DPP10: variants seen among roughly 807,000 people sequenced by gnomAD.
DPP10 encodes dipeptidyl peptidase like 10, also known as inactive dipeptidyl peptidase 10.
Under a neutral mutation model 120.9 loss-of-function variants are expected in DPP10, and 33 were observed. The observed-to-expected ratio is 0.27, with a 90% CI of 0.21 to 0.37. The LOEUF (loss-of-function observed/expected upper bound fraction) is 0.37, where lower values mean the gene tolerates loss of function less well. Among genes scored for constraint, DPP10 ranks in the 10% least tolerant of loss-of-function variants. The pLI is 1.00. For missense variants in DPP10, 816 were observed against 942.8 expected (o/e 0.87, Z 1.76); for synonymous variants, 337 against 326.1 (o/e 1.03, Z -0.36).
chr2:114,872,353 A>G (rs910028175), intron 1 of DPP10, among the ~76,000 whole-genome samples: 12 of 152,154 alleles, frequency 7.9e-5, no homozygotes, highest in Admixed American at 7.9e-4. Context: ...CAAGAACAGC[A>G]TAGGGGAACA....
chr2:115,677,824 G>C (rs572867196), intron 5 of DPP10, among the ~76,000 whole-genome samples: 7 of 152,196 alleles, frequency 4.6e-5, no homozygotes, highest in African/African-American at 1.7e-4. Flanking sequence ...GTAAAAGCTG[G>C]GGACTTTAAC....
intron 1 of DPP10, among the ~76,000 whole-genome samples, chr2:114,618,374 C>T (rs529530165): frequency 6.6e-6 from 1 of 152,078 alleles, no homozygotes; most frequent in Admixed American, 6.6e-5. Context: ...GTACACAGGT[C>T]TCTCTCTCAA....
chr2:114,718,490 T>C (rs957794700), intron 1 of DPP10, among the ~76,000 whole-genome samples: 1 of 151,988 alleles, frequency 6.6e-6, no homozygotes, highest in Non-Finnish European at 1.5e-5. Flanking sequence ...TAGAGGCTAT[T>C]GTATTGGATA....
chr2:115,156,671 C>A (rs2051934908), intron 1 of DPP10, among the ~76,000 whole-genome samples: 1 of 152,104 alleles, frequency 6.6e-6, no homozygotes, highest in Admixed American at 6.5e-5. Flanking sequence ...TCGTACTTTT[C>A]AAGGAATAAA....
intron 4 of DPP10, among the ~76,000 whole-genome samples, chr2:115,510,948 A>G (rs972792280): frequency 1.3e-5 from 2 of 152,068 alleles, no homozygotes; most frequent in African/African-American, 4.8e-5. Flanking sequence ...GTTTGCAGCT[A>G]GTGTATAGAA....
At chr2:115,066,045 C>T (rs13029654) in intron 1 of DPP10, among the ~76,000 whole-genome samples, 37,538 of 152,080 alleles carry the variant, frequency 0.25, 5,387 homozygotes, top group East Asian at 0.31. Context: ...AAACTATTTG[C>T]ATCTACCATT....
chr2:114,613,439 G>T (rs1477775804), intron 1 of DPP10, among the ~76,000 whole-genome samples: 1 of 152,126 alleles, frequency 6.6e-6, no homozygotes, highest in East Asian at 1.9e-4. Context: ...CAATTAGAAT[G>T]GCAATTATTA....
chr2:114,891,709 C>T (rs1399916326), intron 1 of DPP10, among the ~76,000 whole-genome samples: 1 of 152,126 alleles, frequency 6.6e-6, no homozygotes, highest in African/African-American at 2.4e-5. Flanking sequence ...TCATGTGACC[C>T]ATCTGAAGAG....
chr2:115,526,267 A>G, intron 5 of DPP10: 1 of 288,522 alleles, frequency 3.5e-6, no homozygotes, highest in Non-Finnish European at 6.5e-6. Flanking sequence ...CGGGCTTGTG[A>G]AAGTTTCAAG....
In DPP10 at chr2:115,379,203, G is replaced by A. The variant is rs190532022; in HGVS notation, c.271+35291G>A. ...GTCCTGGACTTTTTTTGGTAGGTAAGCTATTGATTATTGCCACAATTTCAG... is the reference window on the plus strand; with the variant it reads ...GTCCTGGACTTTTTTTGGTAGGTAAACTATTGATTATTGCCACAATTTCAG... On this transcript the variant is annotated intron_variant, in intron 3 of 25. Coordinates refer to ENST00000410059, the MANE Select transcript of DPP10 (RefSeq NM_020868.6). Among the ~76,000 whole-genome samples the A allele has an allele frequency of 3.5e-3, 535 of 152,268 alleles. 2 individuals carry two copies. Among genetic ancestry groups the A allele is most frequent in the African/African-American group, 9.3e-3 (387 of 41,576 alleles).
At chr2:115,139,180 A>G (rs1479069884) in intron 1 of DPP10, among the ~76,000 whole-genome samples, 2 of 152,162 alleles carry the variant, frequency 1.3e-5, no homozygotes, top group African/African-American at 4.8e-5. Context: ...GAACTTGGAA[A>G]TATGCAAAAT....
chr2:115,563,128 G>T (rs966636209), intron 5 of DPP10, among the ~76,000 whole-genome samples: 4 of 152,256 alleles, frequency 2.6e-5, no homozygotes, highest in African/African-American at 4.8e-5. Flanking sequence ...CCTCTTAAAC[G>T]TGTCAATCAG....
intron 1 of DPP10, among the ~76,000 whole-genome samples, chr2:114,462,844 T>G (rs968032432): frequency 1.3e-5 from 2 of 152,204 alleles, no homozygotes; most frequent in East Asian, 1.9e-4. Flanking sequence ...CGGATATCTG[T>G]CTCTTCCTCT....
intron 1 of DPP10, among the ~76,000 whole-genome samples, chr2:115,282,561 A>C (rs1209178009): frequency 6.6e-6 from 1 of 152,058 alleles, no homozygotes; most frequent in Non-Finnish European, 1.5e-5. Flanking sequence ...GGCCTTTCAC[A>C]ATACTAATTA....
At chr2:114,840,349 T>A (rs1688059359) in intron 1 of DPP10, among the ~76,000 whole-genome samples, 1 of 151,928 alleles carries the variant, frequency 6.6e-6, no homozygotes, top group South Asian at 2.1e-4. Flanking sequence ...GCTAAGCAAA[T>A]GGAGGGCGAG....
At chr2:115,457,225 A>G (rs527361889) in intron 3 of DPP10, among the ~76,000 whole-genome samples, 103 of 152,232 alleles carry the variant, frequency 6.8e-4, no homozygotes, top group African/African-American at 2.3e-3. Context: ...TTGAAAAAAA[A>G]TGAATTTAGA....
At chr2:115,007,487 A>G (rs867457024) in intron 1 of DPP10, among the ~76,000 whole-genome samples, 1 of 151,702 alleles carries the variant, frequency 6.6e-6, no homozygotes, top group African/African-American at 2.4e-5. Flanking sequence ...ATGGGCAAAA[A>G]CTGGAAGCAT....
chr2:114,442,836 A>G lies in DPP10; in HGVS notation c.58A>G (p.Lys20Glu). The G allele has an allele frequency of 1.2e-6, 2 of 1,613,326 alleles. No individual in the cohort carries two copies. The highest frequency in any genetic ancestry group is 1.7e-6 in the Non-Finnish European group (2 of 1,179,496). The part of the protein sequence containing the change: ...HIKCQPSKTI[K>E]ELGSNSPPQR... The stretch of plus-strand genomic sequence containing the variant: ...CAAGTGTCAACCCTCAAAAACAATC[A>G]AGGTAGGATCTGGTTTTTCCCTCTG... The change falls in exon 1 of 26, where the codon AAG (lysine) becomes GAG (glutamate). Residue 20 changes from lysine (K) to glutamate (E), a missense_variant and splice_region_variant. Around this residue, in one of 3 missense-constraint regions of DPP10, gnomAD observed 182 missense variants for 207.4 expected, o/e 0.88. Coordinates refer to ENST00000410059, the MANE Select transcript of DPP10 (RefSeq NM_020868.6).
At chr2:115,737,917 C>G (rs759742506) in intron 8 of DPP10, among the ~76,000 whole-genome samples, 50 of 152,166 alleles carry the variant, frequency 3.3e-4, no homozygotes, top group Non-Finnish European at 6.6e-4. Flanking sequence ...TTCTCTACCT[C>G]TATGCAGAGG....
Sources: gnomAD v4.1 joint callset for allele counts (sites outside exome capture counted in the v4.1 genomes callset) on GRCh38, gnomAD v4.1.1 for gene constraint, gnomAD v4.1.1 regional missense constraint, MANE v1.5 for transcripts, NCBI Gene and HGNC (gene_info 2026-07-23, HGNC 2026-07-21) for gene names.